The following CLSTN2 variants were observed in gnomAD, a reference collection of about 807,000 sequenced individuals.
The protein encoded by CLSTN2 is calsyntenin 2.
CLSTN2 carries 48 observed loss-of-function variants against 101.2 expected under a neutral mutation model. The ratio of observed to expected loss-of-function variants is 0.47; its 90% CI spans 0.38 to 0.60. CLSTN2 has a LOEUF of 0.60. Among genes scored for constraint, CLSTN2 ranks in the 20% least tolerant of loss-of-function variants. The pLI is 0.00. For synonymous variants in CLSTN2, 481 were observed against 463.6 expected, an observed-to-expected ratio of 1.04 and a Z score of -0.48; for missense variants, 1,160 against 1,238.2, an observed-to-expected ratio of 0.94 and a Z score of 0.95.
At chr3:140,015,878 A>T (rs920460873) in intron 1 of CLSTN2, among the ~76,000 whole-genome samples, 1 of 152,170 alleles carries the variant, frequency 6.6e-6, no homozygotes, top group African/African-American at 2.4e-5. Context: ...CTCCTATGCC[A>T]TTGTAATTGA....
chr3:140,368,882 C>T (rs2087821710), intron 2 of CLSTN2, among the ~76,000 whole-genome samples: 1 of 152,172 alleles, frequency 6.6e-6, no homozygotes, highest in South Asian at 2.1e-4. Flanking sequence ...ATTTATATAG[C>T]ATTATCATTC....
At chr3:140,100,929 T>G (rs1447708451) in intron 1 of CLSTN2, among the ~76,000 whole-genome samples, 1 of 152,172 alleles carries the variant, frequency 6.6e-6, no homozygotes, top group African/African-American at 2.4e-5. Flanking sequence ...CCTGCCTTTA[T>G]TGGTAGCATT....
intron 1 of CLSTN2, among the ~76,000 whole-genome samples, chr3:140,009,009 G>T (rs958302336): frequency 2.6e-5 from 4 of 152,170 alleles, no homozygotes; most frequent in Non-Finnish European, 5.9e-5. Flanking sequence ...AAGCCTTGTT[G>T]ACTTTATTTT....
chr3:140,399,931 C>A (rs1240990946), intron 2 of CLSTN2, among the ~76,000 whole-genome samples: 1 of 151,628 alleles, frequency 6.6e-6, no homozygotes, highest in East Asian at 1.9e-4. Flanking sequence ...GAATATTACT[C>A]TTTACCTTTG....
intron 1 of CLSTN2, among the ~76,000 whole-genome samples, chr3:139,962,039 AT>A (rs1431043450): frequency 3.3e-5 from 5 of 152,040 alleles, no homozygotes; most frequent in Admixed American, 2.0e-4. Context: ...TTTGAGCAGG[AT>A]TTTTTTGGTC....
At chr3:140,442,814 C>T (rs752306894) in intron 5 of CLSTN2, among the ~76,000 whole-genome samples, 7 of 152,308 alleles carry the variant, frequency 4.6e-5, no homozygotes, top group Non-Finnish European at 8.8e-5. Flanking sequence ...ACCCAGCATT[C>T]ATCATCTGAC....
intron 2 of CLSTN2, among the ~76,000 whole-genome samples, chr3:140,351,606 A>G (rs2087607571): frequency 6.6e-6 from 1 of 152,258 alleles, no homozygotes; most frequent in Middle Eastern, 3.4e-3. Flanking sequence ...TATCACAACT[A>G]CTCAGTCAGA....
chr3:140,334,916 C>T (rs541504528), intron 2 of CLSTN2, among the ~76,000 whole-genome samples: 6 of 152,196 alleles, frequency 3.9e-5, no homozygotes, highest in South Asian at 2.1e-4. Flanking sequence ...CAGGAATGTG[C>T]GGTCATCGTT....
At chr3:139,966,779 C>T (rs888587849) in intron 1 of CLSTN2, among the ~76,000 whole-genome samples, 9 of 152,170 alleles carry the variant, frequency 5.9e-5, no homozygotes, top group African/African-American at 1.4e-4. Context: ...AGGGAAGGTG[C>T]TGAGTCAGGC....
chr3:140,056,101 G>A (rs1358775659), intron 1 of CLSTN2, among the ~76,000 whole-genome samples: 2 of 152,150 alleles, frequency 1.3e-5, no homozygotes, highest in Non-Finnish European at 2.9e-5. Flanking sequence ...AAGACGGTTT[G>A]TTCGCTGGGA....
intron 1 of CLSTN2, among the ~76,000 whole-genome samples, chr3:140,015,269 A>G (rs2007178197): frequency 6.6e-6 from 1 of 152,224 alleles, no homozygotes; most frequent in African/African-American, 2.4e-5. Context: ...GGAAGAGTAC[A>G]CAGAGTATAC....
At chr3:140,474,446 G>C (rs954248826) in intron 8 of CLSTN2, among the ~76,000 whole-genome samples, 1 of 152,162 alleles carries the variant, frequency 6.6e-6, no homozygotes, top group Non-Finnish European at 1.5e-5. Context: ...CCATGGAGCA[G>C]ATTTGGAGCT....
chr3:140,063,975 C>T (rs1431310273), intron 1 of CLSTN2, among the ~76,000 whole-genome samples: 3 of 152,174 alleles, frequency 2.0e-5, no homozygotes, highest in Non-Finnish European at 4.4e-5. Flanking sequence ...TGTTCAATCC[C>T]AGAAGCCCCT....
chr3:140,284,699 G>C (rs1234763273), intron 2 of CLSTN2, among the ~76,000 whole-genome samples: 1 of 152,102 alleles, frequency 6.6e-6, no homozygotes, highest in African/African-American at 2.4e-5. Flanking sequence ...TTTGTTCCCT[G>C]TTAATCTTCA....
chr3:140,204,828 G>A (rs2010759296), intron 2 of CLSTN2, among the ~76,000 whole-genome samples: 1 of 152,202 alleles, frequency 6.6e-6, no homozygotes, highest in African/African-American at 2.4e-5. Flanking sequence ...CTGAACTGCA[G>A]TGGAGGTTGT....
chr3:140,250,760 T>C (rs1227675997), intron 2 of CLSTN2, among the ~76,000 whole-genome samples: 1 of 152,204 alleles, frequency 6.6e-6, no homozygotes, highest in African/African-American at 2.4e-5. Flanking sequence ...TTCTCTTTAA[T>C]CACTTTTTTC....
intron 1 of CLSTN2, among the ~76,000 whole-genome samples, chr3:139,976,640 G>C (rs546243159): frequency 6.6e-6 from 1 of 152,286 alleles, no homozygotes; most frequent in South Asian, 2.1e-4. Context: ...TCACTCAGCA[G>C]GGATAGCTGG....
At chr3:140,263,290 T>C (rs191880661) in intron 2 of CLSTN2, among the ~76,000 whole-genome samples, 132 of 152,220 alleles carry the variant, frequency 8.7e-4, no homozygotes, top group Non-Finnish European at 1.3e-3. Flanking sequence ...AGGGGACCTA[T>C]ATGTGGAGAT....
intron 1 of CLSTN2, among the ~76,000 whole-genome samples, chr3:139,950,294 G>A (rs568481975): frequency 6.6e-6 from 1 of 152,290 alleles, no homozygotes; most frequent in South Asian, 2.1e-4. Context: ...TTTTGAGGCT[G>A]GTGTTGAGAG....
Sources: allele counts gnomAD v4.1 joint callset (sites outside exome capture counted in the v4.1 genomes callset), GRCh38; gene constraint gnomAD v4.1.1; transcripts MANE v1.5; gene names NCBI Gene and HGNC (gene_info 2026-07-23, HGNC 2026-07-21).